The following IQGAP2 variants were observed in gnomAD, a reference collection of about 807,000 sequenced individuals.
IQGAP2 encodes the protein IQ motif containing GTPase activating protein 2.
In IQGAP2, 173 loss-of-function variants were observed where a neutral mutation model predicts 201.3. The observed-to-expected ratio is 0.86, with a 90% CI of 0.76 to 0.98. The LOEUF (loss-of-function observed/expected upper bound fraction) is 0.98, where lower values mean the gene tolerates loss of function less well. Ranked by LOEUF, IQGAP2 falls within the 50% of genes least tolerant of loss-of-function variation. The pLI, the probability that IQGAP2 is intolerant of heterozygous loss-of-function variation, is 0.00. For synonymous variants in IQGAP2, 675 were observed against 673.9 expected, an observed-to-expected ratio of 1.00 and a Z score of -0.03; for missense variants, 1,687 against 1,864.8, an observed-to-expected ratio of 0.90 and a Z score of 1.76.
At chr5:76,580,764 T>A (rs569696018) in intron 5 of IQGAP2, among the ~76,000 whole-genome samples, 1 of 152,342 alleles carries the variant, frequency 6.6e-6, no homozygotes, top group South Asian at 2.1e-4. Flanking sequence ...CTTTGAAATA[T>A]CCTTGCTCGT....
At chr5:76,668,645 GA>G in intron 22 of IQGAP2, 35 bp from the exon 23 acceptor site, 18 of 1,558,412 alleles carry the variant, frequency 1.2e-5, no homozygotes, top group Non-Finnish European at 1.6e-5. Context: ...TGTTTTGTGG[GA>G]TTTTTTTGTT....
chr5:76,641,083 G>A lies in IQGAP2; in HGVS notation c.2074G>A (p.Glu692Lys), dbSNP rs1292764650. The A allele has an allele frequency of 2.5e-6, 4 of 1,602,486 alleles. No homozygotes were observed. Among genetic ancestry groups the A allele is most frequent in the Non-Finnish European group, 3.4e-6 (4 of 1,170,708 alleles). Residue 692 changes from glutamate to lysine, a missense_variant, in exon 17 of 36, where the codon GAG (glutamate) becomes AAG (lysine). Physicochemically the swap from Glu to Lys is moderately conservative, Grantham distance 56. Coordinates refer to ENST00000274364, the MANE Select transcript of IQGAP2 (RefSeq NM_006633.5). ...ARKSFLHEQE[E>K]NVVKIQAFWK... ...AAAATCATTTTTGCATGAACAAGAA[G>A]AGAATGTGGTCAAAATACAGGTATG...
At chr5:76,539,385 C>T (rs1344675036) in intron 2 of IQGAP2, among the ~76,000 whole-genome samples, 2 of 152,172 alleles carry the variant, frequency 1.3e-5, no homozygotes, top group Non-Finnish European at 2.9e-5. Context: ...TGGGTGTGCC[C>T]CCACTCCAGG....
In IQGAP2 at chr5:76,461,803, C is replaced by CAGGG. The variant is rs1047751286; in HGVS notation, c.146+137_146+140dup. 5 of 646,622 alleles carry CAGGG rather than the reference C, an allele frequency of 7.7e-6. No homozygotes were observed. The African/African-American group carries it at 9.1e-5, about 12-fold the overall frequency. The allele number at this position is 646,622 out of a possible 1,614,324, so 40.1% of individuals were successfully genotyped here. ...AAGAGTTGTCGTAGTTGGAGATGGC[C>CAGGG]AGGGAGAGATTCTTGCCTGCACTCA... On this transcript the variant is annotated intron_variant, in intron 2 of 35. Transcript: ENST00000274364.
intron 2 of IQGAP2, among the ~76,000 whole-genome samples, chr5:76,534,301 C>G (rs1384601174): frequency 6.6e-6 from 1 of 152,204 alleles, no homozygotes; most frequent in African/African-American, 2.4e-5. Context: ...TCCTACTGAT[C>G]AAGGTTAGAT....
intron 1 of IQGAP2, among the ~76,000 whole-genome samples, chr5:76,404,929 CA>C (rs151189372): frequency 0.012 from 1,801 of 149,278 alleles, 49 homozygotes; most frequent in African/African-American, 0.042. Context: ...ACAGATACAG[CA>C]GAGCCCGTTG....
intron 2 of IQGAP2, among the ~76,000 whole-genome samples, chr5:76,475,944 C>G (rs1425071656): frequency 2.0e-5 from 3 of 151,936 alleles, no homozygotes; most frequent in Non-Finnish European, 2.9e-5. Flanking sequence ...TTCTTGAGGT[C>G]CCATCTGGCC....
rs556183036 is a variant in IQGAP2, at chr5:76,448,761, A to G, written c.47-12809A>G. On this transcript the variant is annotated intron_variant, in intron 1 of 35. Coordinates refer to ENST00000274364, the MANE Select transcript of IQGAP2 (RefSeq NM_006633.5). ...AAGAAAAAGCAGATCCACATGGACTATGAATACTGGTCAACTGGCAAAATG... is the reference window on the plus strand; with the variant it reads ...AAGAAAAAGCAGATCCACATGGACTGTGAATACTGGTCAACTGGCAAAATG... 9.7e-4 allele frequency among the ~76,000 whole-genome samples: 148 copies of G among 152,334 alleles called. 2 individuals carry two copies. The highest frequency in any genetic ancestry group is 4.3e-3 in the South Asian group (21 of 4,832).
intron 28 of IQGAP2, among the ~76,000 whole-genome samples, chr5:76,677,876 A>G (rs1266917769): frequency 6.6e-6 from 1 of 152,184 alleles, no homozygotes; most frequent in Admixed American, 6.5e-5. Flanking sequence ...GGCTGCAGTG[A>G]TCTATGATCG....
intron 14 of IQGAP2, chr5:76,628,891 C>A: frequency 3.2e-6 from 1 of 311,538 alleles, no homozygotes; most frequent in Non-Finnish European, 6.3e-6. Flanking sequence ...CTGAAGGAAG[C>A]CATGGTCTGA....
In IQGAP2 at chr5:76,627,633, C is replaced by A. The variant is rs1750361926; in HGVS notation, c.1612+133C>A. The A allele has an allele frequency of 3.4e-5, 21 of 617,704 alleles. No homozygotes were observed. The South Asian group carries it at 4.9e-4, about 14-fold the overall frequency. The allele number at this position is 617,704 out of a possible 1,614,324, so 38.3% of individuals were successfully genotyped here. A position where few individuals can be genotyped will look rare whatever the true frequency, so the allele number is the denominator to read the frequency against. ...TTAGTTCTTGGACACATAATTATAC[C>A]GAAATTAGTTGGTTGCCCTATTGTC... On this transcript the variant is annotated intron_variant, in intron 14 of 35. Transcript: ENST00000274364.
chr5:76,550,966 C>T (rs945850901), intron 2 of IQGAP2, among the ~76,000 whole-genome samples: 32 of 147,832 alleles, frequency 2.2e-4, no homozygotes, highest in Non-Finnish European at 4.2e-4. Flanking sequence ...CCGGATGGGG[C>T]GACTGGCCGG....
intron 4 of IQGAP2, among the ~76,000 whole-genome samples, chr5:76,573,807 A>G (rs1745285992): frequency 6.8e-6 from 1 of 146,752 alleles, no homozygotes; most frequent in South Asian, 2.1e-4. Flanking sequence ...AATTTTTAGT[A>G]GAGGCGAGGT....
chr5:76,463,938 C>T (rs1258618421), intron 2 of IQGAP2, among the ~76,000 whole-genome samples: 1 of 151,538 alleles, frequency 6.6e-6, no homozygotes, highest in Non-Finnish European at 1.5e-5. Context: ...ACCTCTGCCT[C>T]CTGGGTTCAA....
chr5:76,490,420 T>C (rs148994725), intron 2 of IQGAP2, among the ~76,000 whole-genome samples: 85 of 152,306 alleles, frequency 5.6e-4, no homozygotes, highest in East Asian at 3.7e-3. Flanking sequence ...TTTTATTTGT[T>C]TCCTTATCCA....
intron 2 of IQGAP2, among the ~76,000 whole-genome samples, chr5:76,477,269 A>C (rs1755489996): frequency 6.6e-6 from 1 of 152,160 alleles, no homozygotes; most frequent in Non-Finnish European, 1.5e-5. Flanking sequence ...TGAGCCTGGG[A>C]GGTAGAGGCT....
In IQGAP2 at chr5:76,701,192, T is replaced by C; in HGVS notation, c.4484T>C (p.Ile1495Thr). ...KLHEKGVLLDIDDLQTNQFKN... is the reference protein window; with the variant it reads ...KLHEKGVLLDTDDLQTNQFKN... ...CATGAGAAAGGTGTCCTGCTAGATA[T>C]AGATGATCTTCAAACAAACCAGTAA... The change falls in exon 34 of 36, where the codon ATA (isoleucine) becomes ACA (threonine). Residue 1495 changes from isoleucine to threonine, a missense_variant. Coordinates refer to ENST00000274364, the MANE Select transcript of IQGAP2 (RefSeq NM_006633.5). 6.2e-7 allele frequency: 1 copy of C among 1,614,206 alleles called. No homozygotes were observed. Among genetic ancestry groups the C allele is most frequent in the Non-Finnish European group, 8.5e-7 (1 of 1,179,986 alleles).
chr5:76,539,961 T>C (rs1312898975), intron 2 of IQGAP2, among the ~76,000 whole-genome samples: 1 of 152,232 alleles, frequency 6.6e-6, no homozygotes. Context: ...TAATACTTAC[T>C]GGCATTTGTG....
intron 2 of IQGAP2, among the ~76,000 whole-genome samples, chr5:76,473,093 C>T (rs892797435): frequency 6.6e-6 from 1 of 152,200 alleles, no homozygotes; most frequent in Non-Finnish European, 1.5e-5. Context: ...AGTATTACAA[C>T]CTAGGTCTTT....
Sources: gnomAD v4.1 joint callset for allele counts (sites outside exome capture counted in the v4.1 genomes callset) on GRCh38, gnomAD v4.1.1 for gene constraint, MANE v1.5 for transcripts, NCBI Gene and HGNC (gene_info 2026-07-23, HGNC 2026-07-21) for gene names.